The following HPSE2 variants were observed in gnomAD, a reference collection of about 807,000 sequenced individuals.
The protein encoded by HPSE2 is heparanase 2 (inactive), also known as inactive heparanase-2.
A neutral mutation model predicts 60.5 loss-of-function variants in HPSE2; 38 were observed. The ratio of observed to expected loss-of-function variants is 0.63; its 90% CI spans 0.48 to 0.82. The LOEUF (loss-of-function observed/expected upper bound fraction) is 0.82, where lower values mean the gene tolerates loss of function less well. Among genes scored for constraint, HPSE2 ranks in the 40% least tolerant of loss-of-function variants. The pLI is 0.00. For missense variants in HPSE2, 713 were observed against 740.4 expected (o/e 0.96, Z 0.43); for synonymous variants, 295 against 293.2 (o/e 1.01, Z -0.06).
intron 3 of HPSE2, among the ~76,000 whole-genome samples, chr10:98,756,363 C>T (rs1565140382): frequency 6.6e-6 from 1 of 151,732 alleles, no homozygotes; most frequent in South Asian, 2.1e-4. Flanking sequence ...AAAAACCATA[C>T]AAAATATCAA....
At chr10:99,307,148 C>T in the HPSE2 span, among the ~76,000 whole-genome samples, 1 of 152,156 alleles carries the variant, frequency 6.6e-6, no homozygotes, top group Non-Finnish European at 1.5e-5. Context: ...AGCTGTGCTG[C>T]TTTGTGCTCC....
chr10:98,465,688 T>A (rs1940497696), intron 11 of HPSE2, among the ~76,000 whole-genome samples: 1 of 152,204 alleles, frequency 6.6e-6, no homozygotes, highest in Non-Finnish European at 1.5e-5. Context: ...TTATGTTTCT[T>A]TCTTTGAAAA....
chr10:98,603,418 G>T (rs666387), intron 9 of HPSE2, among the ~76,000 whole-genome samples: 5 of 146,330 alleles, frequency 3.4e-5, no homozygotes, highest in African/African-American at 4.9e-5. Flanking sequence ...TTTGAAATAC[G>T]CCAGAGCACT....
intron 9 of HPSE2, among the ~76,000 whole-genome samples, chr10:98,521,274 G>A (rs1187338043): frequency 6.6e-6 from 1 of 152,068 alleles, no homozygotes; most frequent in Admixed American, 6.6e-5. Context: ...AATCTACAAA[G>A]AACTCAAACA....
At chr10:98,889,095 G>T (rs1349004286) in intron 3 of HPSE2, among the ~76,000 whole-genome samples, 1 of 151,974 alleles carries the variant, frequency 6.6e-6, no homozygotes, top group Non-Finnish European at 1.5e-5. Flanking sequence ...AAACAACATA[G>T]ATTTTTTTTT....
intron 3 of HPSE2, among the ~76,000 whole-genome samples, chr10:98,874,763 T>C (rs1589989776): frequency 6.6e-6 from 1 of 152,204 alleles, no homozygotes; most frequent in African/African-American, 2.4e-5. Flanking sequence ...TAAATAGCTC[T>C]TATTATTTTG....
chr10:98,730,645 G>A (rs1205588793), intron 4 of HPSE2, among the ~76,000 whole-genome samples: 1 of 151,710 alleles, frequency 6.6e-6, no homozygotes, highest in African/African-American at 2.4e-5. Context: ...CAATCTCACA[G>A]TAATTAAGTT....
intron 3 of HPSE2, among the ~76,000 whole-genome samples, chr10:98,918,020 C>T (rs1022589651): frequency 6.6e-6 from 1 of 152,260 alleles, no homozygotes; most frequent in South Asian, 2.1e-4. Flanking sequence ...TTGCCTCTTG[C>T]GTCATCACAT....
intron 9 of HPSE2, among the ~76,000 whole-genome samples, chr10:98,605,235 G>C (rs1278453514): frequency 1.3e-5 from 2 of 152,114 alleles, no homozygotes; most frequent in Admixed American, 1.3e-4. Context: ...TCCTATGCAA[G>C]GCACCTTATG....
intron 3 of HPSE2, among the ~76,000 whole-genome samples, chr10:98,880,358 C>G (rs775584887): frequency 6.6e-6 from 1 of 152,044 alleles, no homozygotes; most frequent in Non-Finnish European, 1.5e-5. Context: ...CCTTCAAATA[C>G]CTACAACCTA....
chr10:98,709,740 A>G (rs569856677), intron 5 of HPSE2, among the ~76,000 whole-genome samples: 1 of 152,304 alleles, frequency 6.6e-6, no homozygotes, highest in African/African-American at 2.4e-5. Flanking sequence ...CCACCTGCAC[A>G]TATGATGTAT....
At position 98,459,659 on chromosome 10, in the gene HPSE2, G is replaced by T. The variant is rs1307159286; in HGVS notation, c.1694C>A (p.Ala565Asp). 1.2e-6 allele frequency: 2 copies of T among 1,614,042 alleles called. No homozygotes were observed. ...LPELKPRPLR[A>D]GRTLVIPPVT... ...TGGAGGGATGACCAATGTCCGGCCG[G>T]CCCGAAGGGGGCGGGGCTTCAATTC... The change falls in exon 12 of 12, where the codon GCC (alanine) becomes GAC (aspartate). Residue 565 changes from alanine (A) to aspartate (D), a missense_variant. Physicochemically the swap from Ala to Asp is moderately radical, Grantham distance 126. Coordinates refer to ENST00000370552, the MANE Select transcript of HPSE2 (RefSeq NM_021828.5).
At chr10:99,011,311 C>T (rs575783846) in intron 3 of HPSE2, among the ~76,000 whole-genome samples, 1 of 152,150 alleles carries the variant, frequency 6.6e-6, no homozygotes, top group Admixed American at 6.5e-5. Context: ...TCACATTTTA[C>T]AGAAAGGAAC....
chr10:98,792,868 T>A (rs1950688751), intron 3 of HPSE2, among the ~76,000 whole-genome samples: 1 of 152,206 alleles, frequency 6.6e-6, no homozygotes. Flanking sequence ...CTTTGAAGGA[T>A]GTCTTTGAAA....
chr10:98,707,034 T>C (rs191171274), intron 5 of HPSE2, among the ~76,000 whole-genome samples: 1 of 151,572 alleles, frequency 6.6e-6, no homozygotes, highest in East Asian at 1.9e-4. Context: ...AAATGAAAGA[T>C]ACTGGTGAAG....
chr10:98,697,127 G>C (rs2134179627), intron 5 of HPSE2, among the ~76,000 whole-genome samples: 1 of 152,262 alleles, frequency 6.6e-6, no homozygotes, highest in Non-Finnish European at 1.5e-5. Context: ...CTCCAGCAAG[G>C]GCACAGAACT....
chr10:98,972,951 C>G (rs1200912592), intron 3 of HPSE2, among the ~76,000 whole-genome samples: 3 of 152,070 alleles, frequency 2.0e-5, no homozygotes, highest in African/African-American at 4.8e-5. Flanking sequence ...ACTTTGGATA[C>G]AGATGACCAG....
At chr10:98,864,266 C>T (rs1952531385) in intron 3 of HPSE2, among the ~76,000 whole-genome samples, 1 of 152,118 alleles carries the variant, frequency 6.6e-6, no homozygotes, top group South Asian at 2.1e-4. Flanking sequence ...TCCCCAAGGA[C>T]CCCTTATAGA....
At chr10:99,060,982 T>C (rs1958229410) in intron 3 of HPSE2, among the ~76,000 whole-genome samples, 1 of 152,058 alleles carries the variant, frequency 6.6e-6, no homozygotes, top group Non-Finnish European at 1.5e-5. Flanking sequence ...TCAGGATAGT[T>C]AATAAAAATT....
Sources: allele counts gnomAD v4.1 joint callset (sites outside exome capture counted in the v4.1 genomes callset), GRCh38; gene constraint gnomAD v4.1.1; transcripts MANE v1.5; gene names NCBI Gene and HGNC (gene_info 2026-07-23, HGNC 2026-07-21).